C12orf42: variants seen among roughly 807,000 people sequenced by gnomAD.
C12orf42 encodes chromosome 12 open reading frame 42, also known as uncharacterized protein C12orf42.
A neutral mutation model predicts 21.6 loss-of-function variants in C12orf42; 25 were observed. The ratio of observed to expected loss-of-function variants is 1.16; its 90% confidence interval spans 0.84 to 1.62. The LOEUF is 1.62. C12orf42 is among the 40% of genes most tolerant of loss of function. The probability of loss-of-function intolerance (pLI) is 0.00; values close to 1 mark genes in which losing one functional copy is unlikely to be tolerated. For synonymous variants in C12orf42, 174 were observed against 175.0 expected, an observed-to-expected ratio of 0.99 and a Z score of 0.05; for missense variants, 483 against 459.3, an observed-to-expected ratio of 1.05 and a Z score of -0.47.
chr12:103,290,336 C>A (rs2136358984), intron 4 of C12orf42, among the ~76,000 whole-genome samples: 1 of 152,294 alleles, frequency 6.6e-6, no homozygotes, highest in South Asian at 2.1e-4. Context: ...CATCTGAAAG[C>A]CATTGAGCTC....
chr12:103,338,725 G>A (rs1160173524), intron 4 of C12orf42, among the ~76,000 whole-genome samples: 3 of 152,134 alleles, frequency 2.0e-5, no homozygotes, highest in Non-Finnish European at 4.4e-5. Flanking sequence ...TTAAATAAGA[G>A]AGATGCTCTA....
the C12orf42 span, among the ~76,000 whole-genome samples, chr12:103,050,661 G>A: frequency 6.6e-6 from 1 of 151,908 alleles, no homozygotes; most frequent in Non-Finnish European, 1.5e-5. Flanking sequence ...CCTGCTCAGA[G>A]CAACCATTGC....
chr12:103,430,729 A>G (rs1276018280), intron 2 of C12orf42, among the ~76,000 whole-genome samples: 2 of 152,226 alleles, frequency 1.3e-5, no homozygotes, highest in Non-Finnish European at 2.9e-5. Context: ...CCCATCAATG[A>G]TAGACTGGAT....
At chr12:103,236,597 A>C (rs2033474117), downstream of C12orf42, among the ~76,000 whole-genome samples, 1 of 152,210 alleles carries the variant, frequency 6.6e-6, no homozygotes, top group East Asian at 1.9e-4. Flanking sequence ...AGGGTCTTGA[A>C]TGACCAAGAT....
the C12orf42 span, among the ~76,000 whole-genome samples, chr12:103,216,024 C>T: frequency 6.6e-6 from 1 of 152,122 alleles, no homozygotes; most frequent in Non-Finnish European, 1.5e-5. Context: ...ATGATGTTGA[C>T]CTAATTTCTC....
At chr12:103,240,932 T>C (rs1305131212) in intron 10 of C12orf42, among the ~76,000 whole-genome samples, 2 of 152,142 alleles carry the variant, frequency 1.3e-5, no homozygotes, top group Non-Finnish European at 2.9e-5. Context: ...ATTAAAAAAA[T>C]AAATGAATGG....
intron 2 of C12orf42, among the ~76,000 whole-genome samples, chr12:103,466,915 C>T (rs1348889890): frequency 6.6e-6 from 1 of 152,194 alleles, no homozygotes; most frequent in South Asian, 2.1e-4. Flanking sequence ...AAAGACAGAG[C>T]AGAGCCAAGT....
the C12orf42 span, among the ~76,000 whole-genome samples, chr12:103,146,569 A>AAAGAAAG: frequency 7.1e-6 from 1 of 140,956 alleles, no homozygotes; most frequent in East Asian, 2.1e-4. Flanking sequence ...GAAAAGAAAG[A>AAAGAAAG]AAGAAAGAAA....
At chr12:103,111,716 G>A in the C12orf42 span, among the ~76,000 whole-genome samples, 81 of 152,096 alleles carry the variant, frequency 5.3e-4, no homozygotes, top group African/African-American at 1.8e-3. Context: ...ATTCCCTAAT[G>A]CTCACTCGAA....
the C12orf42 span, among the ~76,000 whole-genome samples, chr12:103,221,132 T>G: frequency 6.6e-6 from 1 of 152,214 alleles, no homozygotes; most frequent in Admixed American, 6.5e-5. Context: ...ATATACATGT[T>G]TGAAATAAGC....
Position 103,369,000 on chromosome 12 carries a change from T to C in C12orf42, c.148-2A>G. 1 of 1,545,768 alleles carries C rather than the reference T, an allele frequency of 6.5e-7. No homozygotes were observed. The highest frequency in any genetic ancestry group is 8.8e-7 in the Non-Finnish European group (1 of 1,130,496). ...AGTTCTTTCATAACAAGGGATGTGCTGTAAGATAGAGGAGAAAAATACACA... is the reference window on the plus strand; with the variant it reads ...AGTTCTTTCATAACAAGGGATGTGCCGTAAGATAGAGGAGAAAAATACACA... On this transcript the variant is annotated splice_acceptor_variant, in intron 3 of 5. Coordinates refer to ENST00000548883, the MANE Select transcript of C12orf42 (RefSeq NM_198521.5). LOFTEE classifies it high-confidence loss of function.
chr12:103,066,574 G>T, the C12orf42 span, among the ~76,000 whole-genome samples: 7 of 152,380 alleles, frequency 4.6e-5, no homozygotes, highest in Middle Eastern at 3.4e-3. Flanking sequence ...AAGGACAGCG[G>T]TGAAGGGAAA....
chr12:103,471,058 T>C (rs1254637443), intron 2 of C12orf42, among the ~76,000 whole-genome samples: 8 of 152,218 alleles, frequency 5.3e-5, no homozygotes, highest in Non-Finnish European at 8.8e-5. Context: ...TTCTGGGGCA[T>C]TTGTTGTGCA....
the C12orf42 span, among the ~76,000 whole-genome samples, chr12:103,543,102 A>C: frequency 1.3e-5 from 2 of 152,208 alleles, no homozygotes; most frequent in Non-Finnish European, 2.9e-5. Flanking sequence ...GGTTGAGATG[A>C]CAAAGAACTT....
chr12:103,329,110 T>A (rs1358446842), intron 4 of C12orf42, among the ~76,000 whole-genome samples: 1 of 150,894 alleles, frequency 6.6e-6, no homozygotes, highest in Non-Finnish European at 1.5e-5. Context: ...TTCAGAGCTA[T>A]GGCAGGGACG....
the C12orf42 span, among the ~76,000 whole-genome samples, chr12:103,054,133 G>T: frequency 6.6e-6 from 1 of 151,640 alleles, no homozygotes; most frequent in Non-Finnish European, 1.5e-5. Context: ...AATCTTACTG[G>T]GATTTTGATA....
chr12:103,545,587 C>T, the C12orf42 span, among the ~76,000 whole-genome samples: 7 of 152,232 alleles, frequency 4.6e-5, no homozygotes, highest in East Asian at 5.8e-4. Flanking sequence ...AATTTGTAAA[C>T]GTTAATAAGT....
chr12:103,278,973 A>G (rs1281534807), intron 4 of C12orf42, among the ~76,000 whole-genome samples: 3 of 152,150 alleles, frequency 2.0e-5, no homozygotes, highest in African/African-American at 7.2e-5. Flanking sequence ...GGGAGGCAGT[A>G]TTTGTCCTTC....
At chr12:103,059,728 A>G in the C12orf42 span, among the ~76,000 whole-genome samples, 59 of 152,180 alleles carry the variant, frequency 3.9e-4, no homozygotes, top group Non-Finnish European at 7.4e-4. Flanking sequence ...TCAAAAACCA[A>G]TGTCAAGGAT....
Sources: gnomAD v4.1 joint callset for allele counts (sites outside exome capture counted in the v4.1 genomes callset) on GRCh38, gnomAD v4.1.1 for gene constraint, MANE v1.5 for transcripts, NCBI Gene and HGNC (gene_info 2026-07-23, HGNC 2026-07-21) for gene names.